ATP8A2: variants seen among roughly 807,000 people sequenced by gnomAD.
ATP8A2 encodes the protein ATPase phospholipid transporting 8A2.
ATP8A2 carries 100 observed loss-of-function variants against 165.6 expected under a neutral mutation model. The observed-to-expected ratio is 0.60, with a 90% CI of 0.51 to 0.71. ATP8A2 has a LOEUF of 0.71. Among genes scored for constraint, ATP8A2 ranks in the 30% least tolerant of loss-of-function variants. The probability of loss-of-function intolerance (pLI) is 0.00; values close to 1 mark genes in which losing one functional copy is unlikely to be tolerated. For synonymous variants in ATP8A2, 543 were observed against 548.8 expected (o/e 0.99, Z 0.15); for missense variants, 1,227 against 1,479.5 (o/e 0.83, Z 2.80).
At chr13:26,012,747 G>T in intron 36 of ATP8A2, 125 bp downstream of exon 36, 1 of 546,020 alleles carries the variant, frequency 1.8e-6, no homozygotes. Context: ...TGGGGGCGGG[G>T]CGTGCGTTTG....
At chr13:25,665,118 T>C (rs2042124904) in intron 24 of ATP8A2, among the ~76,000 whole-genome samples, 1 of 152,022 alleles carries the variant, frequency 6.6e-6, no homozygotes. Context: ...GAGTCCCCGG[T>C]AGGCGGAGGT....
intron 27 of ATP8A2, among the ~76,000 whole-genome samples, chr13:25,799,081 G>A (rs1950559758): frequency 6.8e-6 from 1 of 146,266 alleles, no homozygotes; most frequent in Admixed American, 6.9e-5. Flanking sequence ...GCCCTCAAAG[G>A]AAAATAAAGA....
intron 27 of ATP8A2, among the ~76,000 whole-genome samples, chr13:25,797,066 G>A (rs549361099): frequency 6.6e-6 from 1 of 151,142 alleles, no homozygotes; most frequent in East Asian, 2.0e-4. Context: ...TCAGGAGTTT[G>A]AGACCAGCCT....
At chr13:25,720,226 G>T (rs2043348249) in intron 25 of ATP8A2, among the ~76,000 whole-genome samples, 1 of 141,312 alleles carries the variant, frequency 7.1e-6, no homozygotes, top group African/African-American at 2.8e-5. Context: ...GGACTGCAGT[G>T]GTGCAATCTC....
At chr13:25,654,757 G>A (rs1042394394) in intron 24 of ATP8A2, among the ~76,000 whole-genome samples, 1 of 152,108 alleles carries the variant, frequency 6.6e-6, no homozygotes, top group Non-Finnish European at 1.5e-5. Flanking sequence ...ATTGTCACTG[G>A]GGAGACAGTC....
intron 34 of ATP8A2, among the ~76,000 whole-genome samples, chr13:25,968,001 C>A (rs1955820476): frequency 6.6e-6 from 1 of 152,142 alleles, no homozygotes; most frequent in Non-Finnish European, 1.5e-5. Context: ...AGATGGGAAA[C>A]CTGCACTCTG....
intron 23 of ATP8A2, among the ~76,000 whole-genome samples, chr13:25,584,371 G>A (rs2039861749): frequency 6.6e-6 from 1 of 152,102 alleles, no homozygotes; most frequent in African/African-American, 2.4e-5. Context: ...TCATACCCCT[G>A]GTAGTATGAA....
intron 33 of ATP8A2, among the ~76,000 whole-genome samples, chr13:25,925,255 A>T (rs306409): frequency 0.88 from 133,485 of 152,220 alleles, 58,637 homozygotes; most frequent in East Asian, 0.99. Context: ...AGGTGGGGGC[A>T]GGGCGCTGTG....
chr13:25,868,079 A>G lies in ATP8A2; in HGVS notation c.3183+5671A>G, dbSNP rs562465991. The G allele has an allele frequency of 1.5e-5, 7 of 455,828 alleles. No homozygotes were observed. In the East Asian group the frequency reaches 4.2e-4, roughly 27 times the overall value. 28.2% of individuals were successfully genotyped at this position (455,828 alleles called of 1,614,324 possible). A position where few individuals can be genotyped will look rare whatever the true frequency, so the allele number is the denominator to read the frequency against. On this transcript the variant is annotated intron_variant, in intron 33 of 36. Coordinates refer to ENST00000381655, the MANE Select transcript of ATP8A2 (RefSeq NM_016529.6). ...CCCGGCCTTGTGGGTAGCCCCGGCC[A>G]AGGAATCCTCTCTTCACCCAAGTGC...
intron 10 of ATP8A2, among the ~76,000 whole-genome samples, chr13:25,546,607 TTA>T (rs2138025317): frequency 6.6e-6 from 1 of 152,264 alleles, no homozygotes; most frequent in East Asian, 1.9e-4. Flanking sequence ...GTAGAAATAT[TTA>T]TGTCTATAAT....
At chr13:25,584,160 C>T (rs1010722341) in intron 23 of ATP8A2, among the ~76,000 whole-genome samples, 5 of 152,148 alleles carry the variant, frequency 3.3e-5, no homozygotes, top group African/African-American at 4.8e-5. Context: ...CCTTGGGTGA[C>T]GCCGAGAATT....
intron 33 of ATP8A2, among the ~76,000 whole-genome samples, chr13:25,936,984 C>G (rs1372403232): frequency 6.6e-6 from 1 of 152,196 alleles, no homozygotes; most frequent in Non-Finnish European, 1.5e-5. Context: ...CTTCTTGTTT[C>G]CTTCAGTGTT....
At chr13:25,919,469 C>CT in intron 33 of ATP8A2, among the ~76,000 whole-genome samples, 1 of 152,158 alleles carries the variant, frequency 6.6e-6, no homozygotes, top group Non-Finnish European at 1.5e-5. Flanking sequence ...TATCTTTCTG[C>CT]TGAGGAGGGC....
rs1465752789 is a variant in ATP8A2, at chr13:25,961,458, TTGCATTTAG to T, written c.3184-113_3184-105del. 5 of 818,304 alleles carry T rather than the reference TTGCATTTAG, an allele frequency of 6.1e-6. No individual in the cohort carries two copies. The Admixed American group carries it at 6.3e-5, about 10-fold the overall frequency. The allele number at this position is 818,304 out of a possible 1,614,324, so 50.7% of individuals were successfully genotyped here. A position where few individuals can be genotyped will look rare whatever the true frequency, so the allele number is the denominator to read the frequency against. Reference sequence around the variant, plus strand: ...CTGCCAGTGCATGGGTTACCTCTCATTGCATTTAGTGCGGTCTGTTGTTTTTGTGTTGTG... The same window carrying T: ...CTGCCAGTGCATGGGTTACCTCTCATTGCGGTCTGTTGTTTTTGTGTTGTG... On this transcript the variant is annotated intron_variant, in intron 33 of 36. Coordinates refer to ENST00000381655, the MANE Select transcript of ATP8A2 (RefSeq NM_016529.6).
intron 24 of ATP8A2, among the ~76,000 whole-genome samples, chr13:25,621,902 G>A (rs1366940424): frequency 6.6e-6 from 1 of 152,090 alleles, no homozygotes; most frequent in Non-Finnish European, 1.5e-5. Context: ...GCCAGGCATG[G>A]TGGCTCACAC....
At chr13:25,985,415 C>T (rs932524049) in intron 35 of ATP8A2, among the ~76,000 whole-genome samples, 2 of 152,158 alleles carry the variant, frequency 1.3e-5, no homozygotes, top group Admixed American at 6.5e-5. Context: ...TTCCTTGGGC[C>T]AGTGGTTCTT....
At chr13:25,861,981 C>T (rs923608216) in intron 32 of ATP8A2, among the ~76,000 whole-genome samples, 1 of 152,114 alleles carries the variant, frequency 6.6e-6, no homozygotes, top group African/African-American at 2.4e-5. Context: ...TGTATACAGC[C>T]GCAGGTTGGA....
chr13:25,616,478 C>T (rs772473311), intron 24 of ATP8A2, among the ~76,000 whole-genome samples: 2 of 151,664 alleles, frequency 1.3e-5, no homozygotes, highest in Non-Finnish European at 2.9e-5. Context: ...ATTACAGGCA[C>T]CCGCCACCAT....
At chr13:25,658,985 C>T (rs2041993492) in intron 24 of ATP8A2, among the ~76,000 whole-genome samples, 1 of 152,182 alleles carries the variant, frequency 6.6e-6, no homozygotes, top group Non-Finnish European at 1.5e-5. Context: ...CCATTATTTA[C>T]TTGTTGGCAT....
Sources: allele counts gnomAD v4.1 joint callset (sites outside exome capture counted in the v4.1 genomes callset), GRCh38; gene constraint gnomAD v4.1.1; transcripts MANE v1.5; gene names NCBI Gene and HGNC (gene_info 2026-07-23, HGNC 2026-07-21).